The following TUSC3 variants were observed in gnomAD, a reference collection of about 807,000 sequenced individuals.
TUSC3 encodes the protein tumor suppressor candidate 3, also known as dolichyl-diphosphooligosaccharide--protein glycosyltransferase subunit TUSC3.
Under a neutral mutation model 44.8 loss-of-function variants are expected in TUSC3, and 45 were observed. The observed-to-expected ratio is 1.00, with a 90% CI of 0.79 to 1.29. TUSC3 has a LOEUF of 1.29. TUSC3 is among the 50% of genes most tolerant of loss of function. TUSC3 has a pLI of 0.00. For missense variants in TUSC3, 519 were observed against 437.9 expected (o/e 1.19, Z -1.65); for synonymous variants, 212 against 152.9 (o/e 1.39, Z -2.85).
At chr8:15,525,009 A>ATT (rs1366948505) in intron 2 of TUSC3, among the ~76,000 whole-genome samples, 1 of 152,236 alleles carries the variant, frequency 6.6e-6, no homozygotes, top group Non-Finnish European at 1.5e-5. Context: ...ACACTGAAAG[A>ATT]TAACAAAGGA....
chr8:15,656,686 T>C (rs1807181655), intron 3 of TUSC3, among the ~76,000 whole-genome samples: 1 of 152,330 alleles, frequency 6.6e-6, no homozygotes, highest in African/African-American at 2.4e-5. Context: ...TGTTGCATGC[T>C]GTTGGCTCTG....
intron 2 of TUSC3, among the ~76,000 whole-genome samples, chr8:15,637,091 A>G (rs1261346584): frequency 6.6e-6 from 1 of 152,218 alleles, no homozygotes; most frequent in African/African-American, 2.4e-5. Flanking sequence ...GAACTCTTCA[A>G]TATGTATATA....
chr8:15,751,405 C>CTT (rs1291479426), intron 9 of TUSC3, among the ~76,000 whole-genome samples: 1 of 152,130 alleles, frequency 6.6e-6, no homozygotes, highest in Admixed American at 6.5e-5. Flanking sequence ...TGAGTAATGT[C>CTT]TTTATACTGT....
At chr8:15,635,181 A>G (rs1339129507) in intron 2 of TUSC3, among the ~76,000 whole-genome samples, 4 of 152,086 alleles carry the variant, frequency 2.6e-5, no homozygotes, top group Non-Finnish European at 5.9e-5. Context: ...AGAATCTTAA[A>G]TTTTTCAAAA....
At chr8:15,811,402 G>T in the TUSC3 span, among the ~76,000 whole-genome samples, 21 of 152,138 alleles carry the variant, frequency 1.4e-4, no homozygotes, top group Admixed American at 1.2e-3. Flanking sequence ...ATAAGAGAAA[G>T]ACCCAGACAG....
intron 4 of TUSC3, among the ~76,000 whole-genome samples, chr8:15,661,778 A>G (rs1248388138): frequency 2.1e-5 from 3 of 146,002 alleles, no homozygotes; most frequent in Non-Finnish European, 3.0e-5. Context: ...TAATTTTTCT[A>G]TAAGATACTT....
At chr8:15,434,236 A>G (rs550030010) in intron 1 of TUSC3, among the ~76,000 whole-genome samples, 2 of 146,696 alleles carry the variant, frequency 1.4e-5, no homozygotes, top group South Asian at 4.4e-4. Flanking sequence ...CCATTTGTAC[A>G]CTGTTTTTTT....
intron 1 of TUSC3, among the ~76,000 whole-genome samples, chr8:15,610,251 T>C (rs527269493): frequency 2.0e-5 from 3 of 152,280 alleles, no homozygotes; most frequent in East Asian, 3.9e-4. Context: ...GATTTTGTTA[T>C]TACCACAAGT....
At chr8:15,719,245 C>T (rs1249857823) in intron 6 of TUSC3, among the ~76,000 whole-genome samples, 1 of 152,066 alleles carries the variant, frequency 6.6e-6, no homozygotes, top group Non-Finnish European at 1.5e-5. Flanking sequence ...GAACATGTTT[C>T]TATCTTAAGG....
chr8:15,758,370 G>T (rs949352694), intron 10 of TUSC3: 2 of 383,838 alleles, frequency 5.2e-6, no homozygotes, highest in East Asian at 1.6e-4. Context: ...TAAAATTACT[G>T]TCAATTTTAT....
chr8:15,785,515 T>C, the TUSC3 span, among the ~76,000 whole-genome samples: 1 of 152,080 alleles, frequency 6.6e-6, no homozygotes, highest in Non-Finnish European at 1.5e-5. Context: ...CCTGACCTTC[T>C]TTGGAAAACA....
intron 1 of TUSC3, among the ~76,000 whole-genome samples, chr8:15,601,919 T>G (rs2129154814): frequency 6.6e-6 from 1 of 150,900 alleles, no homozygotes; most frequent in African/African-American, 2.4e-5. Context: ...ATTTATGTAT[T>G]TTTTTTTAGT....
At chr8:15,637,222 C>G (rs905462990) in intron 2 of TUSC3, among the ~76,000 whole-genome samples, 5 of 149,836 alleles carry the variant, frequency 3.3e-5, no homozygotes, top group African/African-American at 1.2e-4. Context: ...TAAAATCCAC[C>G]CCATTCCCTC....
At chr8:15,440,816 T>A (rs191264043) in intron 1 of TUSC3, among the ~76,000 whole-genome samples, 113 of 152,300 alleles carry the variant, frequency 7.4e-4, no homozygotes, top group African/African-American at 2.7e-3. Flanking sequence ...CTACTTTTGA[T>A]AGGGATGTTA....
chr8:15,637,862 G>A (rs1300087962), intron 2 of TUSC3, among the ~76,000 whole-genome samples: 1 of 151,862 alleles, frequency 6.6e-6, no homozygotes, highest in Admixed American at 6.6e-5. Context: ...CCTCCTTCTT[G>A]CAGTGGCATA....
chr8:15,814,000 T>C, the TUSC3 span, among the ~76,000 whole-genome samples: 5 of 152,170 alleles, frequency 3.3e-5, no homozygotes, highest in Admixed American at 3.3e-4. Context: ...CACTGGGTAA[T>C]TGTGAGGACT....
chr8:15,754,825 A>G (rs1168092811), intron 9 of TUSC3, among the ~76,000 whole-genome samples: 9 of 151,940 alleles, frequency 5.9e-5, no homozygotes, highest in Admixed American at 2.0e-4. Flanking sequence ...ACAATTTTGA[A>G]TTTTATTTAA....
intron 2 of TUSC3, among the ~76,000 whole-genome samples, chr8:15,491,900 A>G (rs1800814126): frequency 6.6e-6 from 1 of 152,218 alleles, no homozygotes; most frequent in Non-Finnish European, 1.5e-5. Flanking sequence ...GCTGTTCCAC[A>G]TAATTTAATT....
At chr8:15,802,093 G>T in the TUSC3 span, among the ~76,000 whole-genome samples, 1 of 152,178 alleles carries the variant, frequency 6.6e-6, no homozygotes, top group African/African-American at 2.4e-5. Context: ...CTCTTGTTCC[G>T]TTCATGCGCC....
Sources: gnomAD v4.1 joint callset for allele counts (sites outside exome capture counted in the v4.1 genomes callset) on GRCh38, gnomAD v4.1.1 for gene constraint, MANE v1.5 for transcripts, NCBI Gene and HGNC (gene_info 2026-07-23, HGNC 2026-07-21) for gene names.